TGM5: variants seen among roughly 807,000 people sequenced by gnomAD.
TGM5 encodes the protein transglutaminase 5.
A neutral mutation model predicts 77.2 loss-of-function variants in TGM5; 69 were observed. The observed-to-expected ratio is 0.89, with a 90% confidence interval of 0.74 to 1.09. The LOEUF (loss-of-function observed/expected upper bound fraction) is 1.09. TGM5 is among the 50% of genes least tolerant of loss of function. The probability of loss-of-function intolerance (pLI) is 0.00; values close to 1 mark genes in which losing one functional copy is unlikely to be tolerated. For synonymous variants in TGM5, 346 were observed against 351.8 expected, an observed-to-expected ratio of 0.98 and a Z score of 0.18; for missense variants, 842 against 896.5, an observed-to-expected ratio of 0.94 and a Z score of 0.78.
At chr15:43,252,394 G>T (rs565581679) in intron 6 of TGM5, among the ~76,000 whole-genome samples, 55 of 152,234 alleles carry the variant, frequency 3.6e-4, no homozygotes, top group African/African-American at 1.3e-3. Context: ...TTGGCTCATT[G>T]CAACCTCTGC....
intron 2 of TGM5, 23 bp downstream of exon 2, chr15:43,260,377 T>G: frequency 6.2e-7 from 1 of 1,614,150 alleles, no homozygotes; most frequent in Non-Finnish European, 8.5e-7. Flanking sequence ...ACACAGCCCC[T>G]GTGAGCCAGC....
intron 6 of TGM5, 134 bp downstream of exon 6, chr15:43,252,625 C>A: frequency 8.4e-7 from 1 of 1,194,424 alleles, no homozygotes; most frequent in Admixed American, 2.0e-5. Flanking sequence ...CGAGACATTT[C>A]AGAGAGGAAA....
At position 43,266,856 on chromosome 15, in the gene TGM5, T is replaced by C; in HGVS notation, c.-7A>G. On this transcript the variant is annotated 5_prime_UTR_variant, in exon 1 of 13. Transcript: ENST00000220420. ...TTTCCCTACCTTGGGCCATGGTAGC[T>C]GCCTCCGGTTCCTGGGATGCTCCCC... The C allele has an allele frequency of 6.2e-7, 1 of 1,614,170 alleles. No individual in the cohort carries two copies. The highest frequency in any genetic ancestry group is 1.3e-5 in the African/African-American group (1 of 75,066).
intron 3 of TGM5, among the ~76,000 whole-genome samples, chr15:43,259,678 C>G (rs2042770292): frequency 2.0e-5 from 3 of 152,058 alleles, no homozygotes; most frequent in East Asian, 3.8e-4. Context: ...ACACTTTTCT[C>G]TTTCTTTTTT....
intron 6 of TGM5, among the ~76,000 whole-genome samples, chr15:43,247,980 A>G (rs1195470633): frequency 6.6e-6 from 1 of 152,192 alleles, no homozygotes; most frequent in Non-Finnish European, 1.5e-5. Context: ...GAAGTGGGCT[A>G]TGAGATAAAA....
rs1305127955 is a variant in TGM5, at chr15:43,254,271, T to G, written c.556-637A>C. Among the ~76,000 whole-genome samples the G allele has an allele frequency of 3.9e-5, 6 of 152,326 alleles. 1 individual carries two copies. The Middle Eastern group carries it at 0.01, about 259-fold the overall frequency. On this transcript the variant is annotated intron_variant, in intron 4 of 12. Transcript: ENST00000220420. ...GTGCCCTCTCCGCGTGAGACTCAGT[T>G]ACGTGATGTAGTCAAGTCTGTCTTT...
intron 6 of TGM5, 180 bp from the exon 7 acceptor site, chr15:43,241,170 T>C: frequency 1.2e-6 from 1 of 800,542 alleles, no homozygotes; most frequent in East Asian, 2.7e-5. Flanking sequence ...CTGGAGCTCA[T>C]GGGAGAGATT....
chr15:43,256,273 G>A (rs890848125), intron 4 of TGM5, among the ~76,000 whole-genome samples: 4 of 152,226 alleles, frequency 2.6e-5, no homozygotes, highest in African/African-American at 7.2e-5. Context: ...TCACTGCTGT[G>A]ATGGTTGCCA....
At chr15:43,238,636 G>A (rs1040551359) in intron 9 of TGM5, among the ~76,000 whole-genome samples, 181 bp downstream of exon 9, 1 of 152,194 alleles carries the variant, frequency 6.6e-6, no homozygotes, top group Non-Finnish European at 1.5e-5. Flanking sequence ...CCTGCAGGAT[G>A]TGGGGTGGGG....
At chr15:43,247,352 C>A (rs940837061) in intron 6 of TGM5, among the ~76,000 whole-genome samples, 1 of 151,884 alleles carries the variant, frequency 6.6e-6, no homozygotes, top group Non-Finnish European at 1.5e-5. Context: ...AAAAATTAAT[C>A]AATAGAACCA....
chr15:43,248,329 C>T (rs1266101649), intron 6 of TGM5, among the ~76,000 whole-genome samples: 3 of 152,152 alleles, frequency 2.0e-5, no homozygotes, highest in Admixed American at 6.6e-5. Flanking sequence ...CCCACCACCA[C>T]GCCCAGCTAA....
intron 3 of TGM5, among the ~76,000 whole-genome samples, chr15:43,258,612 G>A (rs546808020): frequency 5.2e-4 from 79 of 152,288 alleles, no homozygotes; most frequent in African/African-American, 1.9e-3. Context: ...CCAGTGTGGC[G>A]AGAAGCTGCA....
intron 6 of TGM5, among the ~76,000 whole-genome samples, chr15:43,247,035 G>A (rs1192150755): frequency 6.6e-6 from 1 of 152,004 alleles, no homozygotes; most frequent in Non-Finnish European, 1.5e-5. Flanking sequence ...TTGGGTGCCT[G>A]TAGTCCCAGC....
At position 43,233,007 on chromosome 15, in the gene TGM5, C is replaced by T. The variant is rs562382909; in HGVS notation, c.*184G>A. The stretch of plus-strand genomic sequence containing the variant: ...GTAGTAAACAAAGCAAAGTCTTTGC[C>T]CTCATGGAGCTTAAATTTCTAGTGG... On this transcript the variant is annotated 3_prime_UTR_variant, in exon 13 of 13. Transcript: ENST00000220420. The T allele has an allele frequency of 2.8e-6, 2 of 721,358 alleles. No homozygotes were observed. Among genetic ancestry groups the T allele is most frequent in the Non-Finnish European group, 4.5e-6 (2 of 443,004 alleles). The allele number at this position is 721,358 out of a possible 1,614,324, so 44.7% of individuals were successfully genotyped here.
intron 6 of TGM5, among the ~76,000 whole-genome samples, chr15:43,245,201 T>C (rs532111758): frequency 6.6e-6 from 1 of 152,272 alleles, no homozygotes; most frequent in Admixed American, 6.5e-5. Flanking sequence ...TAGAGTTCAA[T>C]TTATTGAAAT....
At chr15:43,265,015 G>A (rs563990892) in intron 1 of TGM5, among the ~76,000 whole-genome samples, 2 of 151,156 alleles carry the variant, frequency 1.3e-5, no homozygotes, top group South Asian at 2.1e-4. Flanking sequence ...AAATCACCCT[G>A]TACGTATTTC....
At chr15:43,241,302 A>T in intron 6 of TGM5, 1 of 432,176 alleles carries the variant, frequency 2.3e-6, no homozygotes, top group South Asian at 2.2e-5. Flanking sequence ...CTTTGGCAAA[A>T]CTCAGAGGCC....
intron 6 of TGM5, among the ~76,000 whole-genome samples, chr15:43,245,095 A>T (rs1050226671): frequency 2.6e-5 from 4 of 151,926 alleles, no homozygotes; most frequent in African/African-American, 9.7e-5. Context: ...ATAAAATAAA[A>T]TAAAATATCT....
chr15:43,233,519 A>T (rs368723591), intron 12 of TGM5, 35 bp downstream of exon 12: 74 of 1,613,854 alleles, frequency 4.6e-5, no homozygotes, highest in Non-Finnish European at 6.2e-5. Flanking sequence ...TCAGGGGGGA[A>T]AAACAGGAGA....
Sources: gnomAD v4.1 joint callset for allele counts (sites outside exome capture counted in the v4.1 genomes callset) on GRCh38, gnomAD v4.1.1 for gene constraint, MANE v1.5 for transcripts, NCBI Gene and HGNC (gene_info 2026-07-23, HGNC 2026-07-21) for gene names.